Variants in MN1 observed in about 807,000 individuals in gnomAD.
MN1 encodes transcriptional activator MN1.
In MN1, 19 loss-of-function variants were observed where a neutral mutation model predicts 86.9. The ratio of observed to expected loss-of-function variants is 0.22; its 90% CI spans 0.15 to 0.32. The LOEUF is 0.32. Ranked by LOEUF, MN1 falls within the 10% of genes least tolerant of loss-of-function variation. The pLI is 1.00. For synonymous variants in MN1, 928 were observed against 849.6 expected, an observed-to-expected ratio of 1.09 and a Z score of -1.60; for missense variants, 1,841 against 1,862.0, an observed-to-expected ratio of 0.99 and a Z score of 0.21.
chr22:27,797,839 T>C lies in MN1; in HGVS notation c.2705A>G (p.Lys902Arg), dbSNP rs750523328. The change falls in exon 1 of 2, where the codon AAA becomes AGA. Residue 902 changes from lysine to arginine, a missense_variant. Transcript: ENST00000302326. ...TGGAGGGTTGGGCGGCCCCGAGGCT[T>C]TGGAGCCGCTGCTACTGGTCCCGGA... ...GPSGTSSSGS[K>R]ASGPPNPPAQ... 8.9e-6 allele frequency: 14 copies of C among 1,576,188 alleles called. No individual in the cohort carries two copies. Among genetic ancestry groups the C allele is most frequent in the Non-Finnish European group, 1.1e-5 (13 of 1,163,406 alleles).
chr22:27,769,552 A>ATTTTTTTTTTTTTTTTTT lies in MN1; in HGVS notation c.3782-18474_3782-18457dup, dbSNP rs58248602. 6.6e-4 allele frequency among the ~76,000 whole-genome samples: 55 copies of ATTTTTTTTTTTTTTTTTT among 83,282 alleles called. 10 individuals carry two copies. Among genetic ancestry groups the ATTTTTTTTTTTTTTTTTT allele is most frequent in the African/African-American group, 1.8e-3 (36 of 20,266 alleles). 54.6% of individuals were successfully genotyped at this position (83,282 alleles called of 152,430 possible). On this transcript the variant is annotated intron_variant, in intron 1 of 1. Transcript: ENST00000302326. Reference sequence around the variant, plus strand: ...CGAAGCAATAATATCAAGGATGCCAATTTTTTTTTTTTTTTTTTGAGACAG... The same window carrying ATTTTTTTTTTTTTTTTTT: ...CGAAGCAATAATATCAAGGATGCCAATTTTTTTTTTTTTTTTTTTTTTTTTTTTTTTTTTTTGAGACAG...
rs45531332 is a variant in MN1, at chr22:27,800,238, C to G, written c.306G>C (p.Pro102=). ...GATGCTGGTGGGGATGATGACTTCC[C>G]GGGTGGCCGTGGTGAGGCTGCTGGC... ...FGGQQPHHGH[P]GSHHPHQHHP... The change falls in exon 1 of 2, where the codon CCG becomes CCC. Residue 102 remains proline (P), a synonymous_variant. Coordinates refer to ENST00000302326, the MANE Select transcript of MN1 (RefSeq NM_002430.3). 1.2e-3 allele frequency: 1,975 copies of G among 1,583,922 alleles called. 29 individuals are homozygous for G. The African/African-American group carries it at 0.024, about 20-fold the overall frequency.
Position 27,801,053 on chromosome 22 carries a change from G to T in MN1, c.-510C>A. 1 of 238,026 alleles carries T rather than the reference G, an allele frequency of 4.2e-6. No individual in the cohort carries two copies. Among genetic ancestry groups the T allele is most frequent in the Non-Finnish European group, 8.3e-6 (1 of 120,664 alleles). The allele number at this position is 238,026 out of a possible 1,614,324, so 14.7% of individuals were successfully genotyped here. On this transcript the variant is annotated 5_prime_UTR_variant, in exon 1 of 2. Transcript: ENST00000302326. Reference sequence around the variant, plus strand: ...GGGAGACCCTTCAAAGCCGCGGCTGGCGCCGGGCACCGACAGAGCGGTCCC... The same window carrying T: ...GGGAGACCCTTCAAAGCCGCGGCTGTCGCCGGGCACCGACAGAGCGGTCCC...
At position 27,792,417 on chromosome 22, in the gene MN1, C is replaced by G. The variant is rs375062037; in HGVS notation, c.3781+4346G>C. On this transcript the variant is annotated intron_variant, in intron 1 of 1. Coordinates refer to ENST00000302326, the MANE Select transcript of MN1 (RefSeq NM_002430.3). Reference sequence around the variant, plus strand: ...ATTTAAAATCAAAACAGCCAGAAAACCCAGTGGTAGAAAACCATGACAAGT... The same window carrying G: ...ATTTAAAATCAAAACAGCCAGAAAAGCCAGTGGTAGAAAACCATGACAAGT... Among the ~76,000 whole-genome samples, 3 of 149,000 alleles carry G rather than the reference C, an allele frequency of 2.0e-5. No homozygotes were observed. The East Asian group carries it at 5.9e-4, about 29-fold the overall frequency.
intron 1 of MN1, among the ~76,000 whole-genome samples, chr22:27,772,972 GAGA>G (rs1422517477): frequency 2.0e-5 from 3 of 151,700 alleles, no homozygotes; most frequent in Non-Finnish European, 2.9e-5. Context: ...GGAGAATCAG[GAGA>G]AGAATTTGGG....
chr22:27,766,193 G>A (rs1217843551), intron 1 of MN1, among the ~76,000 whole-genome samples: 3 of 152,130 alleles, frequency 2.0e-5, no homozygotes, highest in Non-Finnish European at 4.4e-5. Context: ...TGCCAGGACC[G>A]GGACTCCGTG....
At chr22:27,777,621 G>A (rs1387531164) in intron 1 of MN1, among the ~76,000 whole-genome samples, 1 of 151,856 alleles carries the variant, frequency 6.6e-6, no homozygotes, top group African/African-American at 2.4e-5. Flanking sequence ...CACTTTGGAA[G>A]GCCAAGGTGG....
chr22:27,799,061 G>C lies in MN1; in HGVS notation c.1483C>G (p.Pro495Ala). The change falls in exon 1 of 2, where the codon CCC (proline) becomes GCC (alanine). Residue 495 changes from proline (P) to alanine (A), a missense_variant. By Grantham distance (27) the Pro-to-Ala change is conservative (BLOSUM62 -1). Transcript: ENST00000302326. The part of the protein sequence containing the change: ...HLSPSAYPGL[P>A]GEFTPPVPDS... ...GGCACAGGCGGTGTGAACTCGCCGG[G>C]TAGGCCTGGGTAGGCGGAAGGGGAG... The C allele has an allele frequency of 1.2e-6, 2 of 1,609,848 alleles. No homozygotes were observed. The highest frequency in any genetic ancestry group is 1.7e-6 in the Non-Finnish European group (2 of 1,177,492).
chr22:27,789,039 C>G (rs1933177467), intron 1 of MN1, among the ~76,000 whole-genome samples: 1 of 152,156 alleles, frequency 6.6e-6, no homozygotes, highest in South Asian at 2.1e-4. Flanking sequence ...CAACGGGCCA[C>G]TTAGTTCTCA....
At chr22:27,789,299 C>T (rs893799121) in intron 1 of MN1, among the ~76,000 whole-genome samples, 1 of 152,190 alleles carries the variant, frequency 6.6e-6, no homozygotes, top group Admixed American at 6.5e-5. Flanking sequence ...AAGGGGTCTC[C>T]CTGTTTCCCT....
chr22:27,751,122 C>T, intron 1 of MN1, 26 bp from the exon 2 acceptor site: 1 of 1,521,588 alleles, frequency 6.6e-7, no homozygotes, highest in Non-Finnish European at 8.8e-7. Flanking sequence ...GAAGAGAGGA[C>T]ATTAGTGGCA....
intron 1 of MN1, among the ~76,000 whole-genome samples, chr22:27,761,460 A>G (rs1932834753): frequency 6.7e-6 from 1 of 149,896 alleles, no homozygotes; most frequent in Non-Finnish European, 1.5e-5. Flanking sequence ...AGGCTCACAG[A>G]TGGGATGAGA....
intron 1 of MN1, among the ~76,000 whole-genome samples, chr22:27,785,378 G>C (rs576779787): frequency 6.6e-6 from 1 of 152,304 alleles, no homozygotes; most frequent in East Asian, 1.9e-4. Context: ...GCTTCTCCAC[G>C]TCCGGCCACG....
intron 1 of MN1, among the ~76,000 whole-genome samples, chr22:27,754,379 T>C (rs1036631860): frequency 6.6e-6 from 1 of 152,114 alleles, no homozygotes; most frequent in Non-Finnish European, 1.5e-5. Context: ...AGCAAGCCCA[T>C]CAGTGGGGGT....
rs1386935632 is a variant in MN1 at position 27,799,905 on chromosome 22, A to G, written c.639T>C (p.Asp213=). The part of the protein sequence containing the change: ...FHGLPSSSGS[D]SHSLEPRRVT... ...CCCTCCGTGGCTCCAGACTGTGGGA[A>G]TCGGAGCCGCTGGAGGACGGCAGGC... is the stretch of plus-strand genomic sequence containing the variant. Residue 213 remains aspartate (D), a synonymous_variant, in exon 1 of 2, where the codon GAT becomes GAC. Coordinates refer to ENST00000302326, the MANE Select transcript of MN1 (RefSeq NM_002430.3). The G allele has an allele frequency of 1.1e-5, 18 of 1,601,956 alleles. No individual in the cohort carries two copies. Among genetic ancestry groups the G allele is most frequent in the Non-Finnish European group, 1.5e-5 (18 of 1,175,466 alleles).
intron 1 of MN1, among the ~76,000 whole-genome samples, chr22:27,757,041 G>A (rs1030249917): frequency 2.6e-5 from 4 of 152,130 alleles, no homozygotes; most frequent in East Asian, 1.9e-4. Flanking sequence ...GATTACAGGG[G>A]TGAGCCACCA....
At chr22:27,772,231 G>A (rs1484581517) in intron 1 of MN1, among the ~76,000 whole-genome samples, 1 of 152,200 alleles carries the variant, frequency 6.6e-6, no homozygotes, top group Non-Finnish European at 1.5e-5. Flanking sequence ...CAGGGGCTGG[G>A]CCAACTCAGC....
Position 27,749,617 on chromosome 22 carries a change from C to T in MN1, c.*1298G>A, listed in dbSNP as rs17476776. On this transcript the variant is annotated 3_prime_UTR_variant, in exon 2 of 2. Transcript: ENST00000302326. ...TTGGGACATGGCTCTAGTTTTGCAA[C>T]AGGGTGAGATTCCAAAAAAATGTTG... 15,822 of 231,824 alleles carry T rather than the reference C, an allele frequency of 0.068. 771 individuals carry two copies. The highest frequency in any genetic ancestry group is 0.15 in the Middle Eastern group (118 of 778). 14.4% of individuals were successfully genotyped at this position (231,824 alleles called of 1,614,324 possible). A position where few individuals can be genotyped will look rare whatever the true frequency, so the allele number is the denominator to read the frequency against.
At chr22:27,767,854 G>A (rs1406866971) in intron 1 of MN1, among the ~76,000 whole-genome samples, 1 of 152,108 alleles carries the variant, frequency 6.6e-6, no homozygotes, top group Non-Finnish European at 1.5e-5. Context: ...TTTTTTCCCA[G>A]GGAAGAGAAC....
Sources: allele counts gnomAD v4.1 joint callset (sites outside exome capture counted in the v4.1 genomes callset), GRCh38; gene constraint gnomAD v4.1.1; transcripts MANE v1.5; gene names NCBI Gene and HGNC (gene_info 2026-07-23, HGNC 2026-07-21).